Variants in SLC7A7 observed in about 807,000 individuals in gnomAD.
SLC7A7 encodes the protein Y+L amino acid transporter 1.
Under a neutral mutation model 47.9 loss-of-function variants are expected in SLC7A7, and 39 were observed. The ratio of observed to expected loss-of-function variants is 0.81; its 90% confidence interval spans 0.63 to 1.06. SLC7A7 has a LOEUF of 1.06. Ranked by LOEUF, SLC7A7 falls within the 50% of genes least tolerant of loss-of-function variation. The pLI is 0.00. For synonymous variants in SLC7A7, 234 were observed against 242.8 expected (o/e 0.96, Z 0.34); for missense variants, 588 against 632.0 (o/e 0.93, Z 0.75).
Position 22,773,443 on chromosome 14 carries a change from C to CAAAT in SLC7A7, c.*163_*166dup, listed in dbSNP as rs755492313. The CAAAT allele has an allele frequency of 2.8e-6, 2 of 711,986 alleles. No individual in the cohort carries two copies. The highest frequency in any genetic ancestry group is 5.2e-6 in the Non-Finnish European group (2 of 387,390). The allele number at this position is 711,986 out of a possible 1,614,324, so 44.1% of individuals were successfully genotyped here. A position where few individuals can be genotyped will look rare whatever the true frequency, so the allele number is the denominator to read the frequency against. On this transcript the variant is annotated 3_prime_UTR_variant, in exon 10 of 10. Transcript: ENST00000674313. ...AAGTCTGGAACAGTATGTAGCAAAACAAATAAATTACTTTTCATTTCAAAA... is the reference window on the plus strand; with the variant it reads ...AAGTCTGGAACAGTATGTAGCAAAACAAATAAATAAATTACTTTTCATTTCAAAA...
intron 1 of SLC7A7, among the ~76,000 whole-genome samples, chr14:22,814,069 C>CAAG (rs1408950433): frequency 2.6e-5 from 4 of 151,354 alleles, no homozygotes; most frequent in African/African-American, 9.7e-5. Flanking sequence ...GGATTACAGG[C>CAAG]GTGAGCCACC....
At position 22,773,914 on chromosome 14, in the gene SLC7A7, T is replaced by C. The variant is rs200125989; in HGVS notation, c.1429+19A>G. On this transcript the variant is annotated intron_variant, in intron 9 of 9. Coordinates refer to ENST00000674313, the MANE Select transcript of SLC7A7 (RefSeq NM_003982.4). ...CAAGCTCTGCAATAGCTGAGCGGAC[T>C]TAAGGATGCACGGCTTACCCACGAT... 2 of 1,613,696 alleles carry C rather than the reference T, an allele frequency of 1.2e-6. No individual in the cohort carries two copies. The highest frequency in any genetic ancestry group is 3.3e-5 in the Admixed American group (2 of 60,000).
Position 22,813,151 on chromosome 14 carries a change from G to A in SLC7A7, c.248C>T (p.Ser83Phe). ...CGCATAACAAAGGGCCCCAAAGACG[G>A]AGAAGAGGCCCCCGACAGCCCAGAT... ...LVIWAVGGLF[S>F]VFGALCYAEL... The change falls in exon 2 of 10, where the codon TCC becomes TTC. Residue 83 changes from serine (S) to phenylalanine (F), a missense_variant. Transcript: ENST00000674313. 6.2e-7 allele frequency: 1 copy of A among 1,614,182 alleles called. No homozygotes were observed. Among genetic ancestry groups the A allele is most frequent in the African/African-American group, 1.3e-5 (1 of 75,032 alleles).
At position 22,775,348 on chromosome 14, in the gene SLC7A7, C is replaced by G. The variant is rs1478372211; in HGVS notation, c.1095+96G>C. On this transcript the variant is annotated intron_variant, in intron 7 of 9. Coordinates refer to ENST00000674313, the MANE Select transcript of SLC7A7 (RefSeq NM_003982.4). Reference sequence around the variant, plus strand: ...CCACCAATAGTTTTTCTATTGGAATCTTTCAGAGCTTTCAGGAAGCTAGAA... The same window carrying G: ...CCACCAATAGTTTTTCTATTGGAATGTTTCAGAGCTTTCAGGAAGCTAGAA... 44 of 1,007,580 alleles carry G rather than the reference C, an allele frequency of 4.4e-5. No individual in the cohort carries two copies. The South Asian group carries it at 5.3e-4, about 12-fold the overall frequency. The allele number at this position is 1,007,580 out of a possible 1,614,324, so 62.4% of individuals were successfully genotyped here. A position where few individuals can be genotyped will look rare whatever the true frequency, so the allele number is the denominator to read the frequency against.
At chr14:22,795,443 TTTTCTA>T (rs547560362) in intron 2 of SLC7A7, among the ~76,000 whole-genome samples, 2 of 9,442 alleles carry the variant, frequency 2.1e-4, no homozygotes, top group African/African-American at 3.2e-4. Flanking sequence ...TCTTTCTTTC[TTTTCTA>T]TTCTTTTCTT....
upstream of SLC7A7, among the ~76,000 whole-genome samples, chr14:22,819,333 A>G (rs756493776): frequency 2.6e-5 from 4 of 151,808 alleles, no homozygotes; most frequent in Non-Finnish European, 5.9e-5. Flanking sequence ...CATCACTCCA[A>G]GCTAGAAGCT....
chr14:22,809,802 C>G (rs1455817638), intron 2 of SLC7A7, among the ~76,000 whole-genome samples: 1 of 152,012 alleles, frequency 6.6e-6, no homozygotes. Context: ...AGGATTTAAA[C>G]ATGTATGTCT....
chr14:22,774,861 A>AT (rs2038565492), intron 7 of SLC7A7, among the ~76,000 whole-genome samples: 1 of 152,154 alleles, frequency 6.6e-6, no homozygotes, highest in Admixed American at 6.5e-5. Flanking sequence ...AAATGCTCCA[A>AT]TGAGCATTTC....
chr14:22,798,189 C>T (rs867747965), intron 2 of SLC7A7, among the ~76,000 whole-genome samples: 18 of 152,026 alleles, frequency 1.2e-4, no homozygotes, highest in African/African-American at 4.1e-4. Flanking sequence ...CCCAGCTACT[C>T]GGGAGGCTGA....
chr14:22,777,137 C>T (rs2038626150), intron 4 of SLC7A7, among the ~76,000 whole-genome samples: 1 of 128,216 alleles, frequency 7.8e-6, no homozygotes, highest in Admixed American at 7.9e-5. Flanking sequence ...CAGCCAGACC[C>T]TGTCTAAAAA....
At chr14:22,795,950 C>T (rs1566454284) in intron 2 of SLC7A7, among the ~76,000 whole-genome samples, 1 of 152,044 alleles carries the variant, frequency 6.6e-6, no homozygotes, top group Non-Finnish European at 1.5e-5. Context: ...GATGAGCCCC[C>T]AAAGGGACTT....
At chr14:22,783,586 A>G (rs1273024376) in intron 2 of SLC7A7, among the ~76,000 whole-genome samples, 2 of 151,918 alleles carry the variant, frequency 1.3e-5, no homozygotes, top group African/African-American at 4.8e-5. Context: ...TTTTTAGTAG[A>G]GACAGGGTTT....
At chr14:22,808,100 G>A (rs1017241368) in intron 2 of SLC7A7, among the ~76,000 whole-genome samples, 6 of 151,910 alleles carry the variant, frequency 3.9e-5, no homozygotes, top group East Asian at 1.9e-4. Context: ...CATGGAGGTT[G>A]CGTGAGTGAG....
chr14:22,781,016 G>A (rs899872992), intron 2 of SLC7A7, among the ~76,000 whole-genome samples: 6 of 151,122 alleles, frequency 4.0e-5, no homozygotes, highest in African/African-American at 1.5e-4. Context: ...CGAGAAGAAA[G>A]TTGGAAAAAA....
intron 2 of SLC7A7, among the ~76,000 whole-genome samples, chr14:22,804,880 G>A (rs186969882): frequency 1.3e-5 from 2 of 152,044 alleles, no homozygotes; most frequent in African/African-American, 2.4e-5. Flanking sequence ...GGGTGTGTAC[G>A]CCTGTTATCC....
intron 2 of SLC7A7, among the ~76,000 whole-genome samples, chr14:22,803,692 T>C (rs142236024): frequency 8.7e-4 from 133 of 152,148 alleles, no homozygotes; most frequent in Non-Finnish European, 1.3e-3. Flanking sequence ...AGAAGTCAGG[T>C]GGAGTAGGGC....
intron 2 of SLC7A7, among the ~76,000 whole-genome samples, chr14:22,790,941 TGA>T (rs1207589356): frequency 2.7e-5 from 4 of 145,938 alleles, no homozygotes; most frequent in African/African-American, 1.0e-4. Context: ...GAGGTTGCAG[TGA>T]GCTAAGATCG....
intron 4 of SLC7A7, among the ~76,000 whole-genome samples, chr14:22,777,257 T>C (rs938354568): frequency 3.9e-5 from 6 of 152,124 alleles, no homozygotes; most frequent in African/African-American, 1.2e-4. Flanking sequence ...CAAAGATCTT[T>C]TGGTGTCAGG....
chr14:22,795,392 TTCTTTCTTTCTTTC>T (rs2038997378), intron 2 of SLC7A7, among the ~76,000 whole-genome samples: 1 of 49,458 alleles, frequency 2.0e-5, no homozygotes, highest in Non-Finnish European at 4.5e-5. Flanking sequence ...CTTGCTTTCT[TTCTTTCTTTCTTTC>T]TTTCTTTCTT....
Sources: gnomAD v4.1 joint callset for allele counts (sites outside exome capture counted in the v4.1 genomes callset) on GRCh38, gnomAD v4.1.1 for gene constraint, MANE v1.5 for transcripts, NCBI Gene and HGNC (gene_info 2026-07-23, HGNC 2026-07-21) for gene names.